The following FCRL5 variants were observed in gnomAD, a reference collection of about 807,000 sequenced individuals.
FCRL5 encodes Fc receptor like 5, also known as Fc receptor-like protein 5.
A neutral mutation model predicts 92.1 loss-of-function variants in FCRL5; 79 were observed. The observed-to-expected ratio is 0.86, with a 90% CI of 0.72 to 1.03. FCRL5 has a LOEUF of 1.03. Among genes scored for constraint, FCRL5 ranks in the 50% least tolerant of loss-of-function variants. FCRL5 has a pLI of 0.00. For synonymous variants in FCRL5, 466 were observed against 469.3 expected, an observed-to-expected ratio of 0.99 and a Z score of 0.09; for missense variants, 1,160 against 1,181.1, an observed-to-expected ratio of 0.98 and a Z score of 0.26.
intron 7 of FCRL5, 77 bp downstream of exon 7, chr1:157,539,009 C>T: frequency 6.8e-7 from 1 of 1,460,514 alleles, no homozygotes; most frequent in East Asian, 2.3e-5. Flanking sequence ...CTAGAAGGTA[C>T]ACGCTGACTT....
intron 9 of FCRL5, 83 bp from the exon 10 acceptor site, chr1:157,524,640 G>A: frequency 7.1e-7 from 1 of 1,413,252 alleles, no homozygotes; most frequent in Non-Finnish European, 9.5e-7. Flanking sequence ...ATGGAAGAAT[G>A]TTTTTCTCAG....
At chr1:157,550,632 T>C (rs1301313968) in intron 1 of FCRL5, among the ~76,000 whole-genome samples, 2 of 152,228 alleles carry the variant, frequency 1.3e-5, no homozygotes, top group African/African-American at 4.8e-5. Flanking sequence ...CCTAGGACTT[T>C]CCTTATGTTC....
intron 2 of FCRL5, 39 bp from the exon 3 acceptor site, chr1:157,547,236 C>A (rs771387303): frequency 6.2e-7 from 1 of 1,608,418 alleles, no homozygotes; most frequent in Non-Finnish European, 8.5e-7. Flanking sequence ...GGTGGAGGCG[C>A]CTGCAGACCC....
intron 2 of FCRL5, among the ~76,000 whole-genome samples, chr1:157,547,618 A>G (rs1224781723): frequency 6.6e-6 from 1 of 152,232 alleles, no homozygotes; most frequent in Non-Finnish European, 1.5e-5. Context: ...GTCCCTGAGA[A>G]AACCTTGAGA....
At chr1:157,534,313 A>T in intron 8 of FCRL5, 1 of 703,774 alleles carries the variant, frequency 1.4e-6, no homozygotes, top group Non-Finnish European at 2.6e-6. Flanking sequence ...GTAGAGAAGT[A>T]GGACACGCTC....
intron 8 of FCRL5, among the ~76,000 whole-genome samples, chr1:157,531,644 A>G (rs999974430): frequency 1.3e-5 from 2 of 152,228 alleles, no homozygotes; most frequent in African/African-American, 2.4e-5. Flanking sequence ...AGCCATAAAA[A>G]ATAATGAAAT....
chr1:157,539,010 A>G, intron 7 of FCRL5, 76 bp downstream of exon 7: 5 of 1,477,588 alleles, frequency 3.4e-6, no homozygotes, highest in Non-Finnish European at 4.6e-6. Context: ...TAGAAGGTAC[A>G]CGCTGACTTC....
At chr1:157,546,513 A>G (rs1034862138) in intron 3 of FCRL5, among the ~76,000 whole-genome samples, 2 of 152,006 alleles carry the variant, frequency 1.3e-5, no homozygotes, top group Non-Finnish European at 2.9e-5. Context: ...AAAGCTATAC[A>G]TAGATTCAGG....
In FCRL5 at chr1:157,546,983, G is replaced by C; in HGVS notation, c.267C>G (p.Gly89=). 1 of 1,614,152 alleles carries C rather than the reference G, an allele frequency of 6.2e-7. No individual in the cohort carries two copies. Among genetic ancestry groups the C allele is most frequent in the South Asian group, 1.1e-5 (1 of 91,072 alleles). The change falls in exon 3 of 17, where the codon GGC becomes GGG. Residue 89 remains glycine, a synonymous_variant. Coordinates refer to ENST00000361835, the MANE Select transcript of FCRL5 (RefSeq NM_031281.3). The part of the protein sequence containing the change: ...ESGEYRCQAQ[G]SPLSSPVHLD... ...AGTGCACAGGGCTACTGAGAGGGGA[G>C]CCCTGGGCCTGGCATCTGTACTCTC...
intron 6 of FCRL5, 98 bp from the exon 7 acceptor site, chr1:157,539,462 A>T: frequency 8.7e-7 from 1 of 1,149,604 alleles, no homozygotes; most frequent in Non-Finnish European, 1.2e-6. Context: ...TCACTAAGCC[A>T]AAGGGAAAAG....
At chr1:157,548,655 A>G (rs1200448417) in intron 2 of FCRL5, among the ~76,000 whole-genome samples, 3 of 152,260 alleles carry the variant, frequency 2.0e-5, no homozygotes, top group Admixed American at 6.5e-5. Flanking sequence ...AAAAGAAGAC[A>G]TTTATGCAGC....
At position 157,549,573 on chromosome 1, in the gene FCRL5, GA is replaced by G; in HGVS notation, c.38del (p.Val13AlafsTer28). The G allele has an allele frequency of 6.2e-7, 1 of 1,612,122 alleles. No homozygotes were observed. On this transcript the variant is annotated frameshift_variant, in exon 2 of 17. Transcript: ENST00000361835. LOFTEE classifies it high-confidence loss of function. ...LWVILLVLAP[V>X]SGQFARTPRP... ...AGGAGAACTCACCAAACTGTCCACT[GA>G]CAGGAGCTGCAAAAAAATAAGAGCC...
chr1:157,517,682 C>T (rs2101590473), intron 15 of FCRL5, among the ~76,000 whole-genome samples: 1 of 152,314 alleles, frequency 6.6e-6, no homozygotes, highest in South Asian at 2.1e-4. Context: ...CGTCAGACTT[C>T]TGACCCACAG....
chr1:157,548,586 A>G (rs1320826029), intron 2 of FCRL5, among the ~76,000 whole-genome samples: 1 of 152,240 alleles, frequency 6.6e-6, no homozygotes, highest in African/African-American at 2.4e-5. Flanking sequence ...ACAAATTTAC[A>G]AGAAAAATTC....
At chr1:157,536,035 G>A (rs1012252304) in intron 7 of FCRL5, among the ~76,000 whole-genome samples, 1 of 135,120 alleles carries the variant, frequency 7.4e-6, no homozygotes, top group African/African-American at 2.7e-5. Context: ...TTTGCCTCCC[G>A]AATTCAAGCA....
chr1:157,543,022 C>T lies in FCRL5; in HGVS notation c.960G>A (p.Arg320=). 1 of 1,614,228 alleles carries T rather than the reference C, an allele frequency of 6.2e-7. No individual in the cohort carries two copies. The highest frequency in any genetic ancestry group is 8.5e-7 in the Non-Finnish European group (1 of 1,180,036). The stretch of plus-strand genomic sequence containing the variant: ...TCAGGGGGACACCCTCATGATAAAA[C>T]CTGTACAAAGTGCGCAGAGAATCTT... The part of the protein sequence containing the change: ...TQEDSLRTLY[R]FYHEGVPLRH... The change falls in exon 6 of 17, where the codon AGG becomes AGA. Residue 320 remains arginine (R), a synonymous_variant. Coordinates refer to ENST00000361835, the MANE Select transcript of FCRL5 (RefSeq NM_031281.3).
chr1:157,528,939 CA>C lies in FCRL5; in HGVS notation c.1682-1045del, dbSNP rs1650563976. Among the ~76,000 whole-genome samples, 3 of 152,220 alleles carry C rather than the reference CA, an allele frequency of 2.0e-5. No homozygotes were observed. In the South Asian group the frequency reaches 6.2e-4, roughly 32 times the overall value. On this transcript the variant is annotated intron_variant, in intron 8 of 16. Coordinates refer to ENST00000361835, the MANE Select transcript of FCRL5 (RefSeq NM_031281.3). ...GACCAAGAACCCAAAGCAAATGCAA[CA>C]AAAACAATAATAAATAGATGGGTCT... is the stretch of plus-strand genomic sequence containing the variant.
intron 6 of FCRL5, among the ~76,000 whole-genome samples, chr1:157,541,249 G>A (rs1467950560): frequency 6.6e-6 from 1 of 152,136 alleles, no homozygotes; most frequent in Non-Finnish European, 1.5e-5. Flanking sequence ...CTGGCCTGGG[G>A]TTTGCTCCAA....
chr1:157,523,552 C>T (rs1318682657), intron 10 of FCRL5, among the ~76,000 whole-genome samples: 1 of 152,230 alleles, frequency 6.6e-6, no homozygotes, highest in Non-Finnish European at 1.5e-5. Context: ...AACACCAGTT[C>T]TCTCTAAACA....
Sources: gnomAD v4.1 joint callset for allele counts (sites outside exome capture counted in the v4.1 genomes callset) on GRCh38, gnomAD v4.1.1 for gene constraint, MANE v1.5 for transcripts, NCBI Gene and HGNC (gene_info 2026-07-23, HGNC 2026-07-21) for gene names.